NBEAL1: variants seen among roughly 807,000 people sequenced by gnomAD.
NBEAL1 encodes neurobeachin-like protein 1.
A neutral mutation model predicts 351.3 loss-of-function variants in NBEAL1; 273 were observed. The observed-to-expected ratio is 0.78, with a 90% CI of 0.70 to 0.86. The LOEUF (loss-of-function observed/expected upper bound fraction) is 0.86. Ranked by LOEUF, NBEAL1 falls within the 40% of genes least tolerant of loss-of-function variation. NBEAL1 has a pLI of 0.00. For missense variants in NBEAL1, 2,961 were observed against 3,201.3 expected (o/e 0.92, Z 1.81); for synonymous variants, 1,050 against 1,086.4 (o/e 0.97, Z 0.66).
chr2:203,076,914 A>G (rs1334696457), intron 7 of NBEAL1, among the ~76,000 whole-genome samples: 4 of 152,068 alleles, frequency 2.6e-5, no homozygotes, highest in African/African-American at 9.7e-5. Flanking sequence ...TACTAAGACT[A>G]TTACACCTCT....
At chr2:203,084,957 G>A (rs958238997) in intron 10 of NBEAL1, 2 of 159,572 alleles carry the variant, frequency 1.3e-5, no homozygotes, top group African/African-American at 4.8e-5. Flanking sequence ...TTCTACCACA[G>A]TTTGTAGACT....
At chr2:203,137,933 G>A (rs994846166) in intron 29 of NBEAL1, among the ~76,000 whole-genome samples, 6 of 150,680 alleles carry the variant, frequency 4.0e-5, no homozygotes, top group African/African-American at 1.2e-4. Context: ...GCAGTGAGCC[G>A]AGATCACACC....
At position 203,208,668 on chromosome 2, in the gene NBEAL1, C is replaced by A. The variant is rs1327254154; in HGVS notation, c.7538C>A (p.Pro2513His). Residue 2513 changes from proline to histidine, a missense_variant, in exon 52 of 56, where the codon CCT becomes CAT. Physicochemically the swap from Pro to His is moderately conservative, Grantham distance 77. Coordinates refer to ENST00000683969, the MANE Select transcript of NBEAL1 (RefSeq NM_001378026.1). Reference sequence around the variant, plus strand: ...GTTCCTGTGGGCTTAGCATCTAAACCTTTTCAGATTCTTTATGGACACACC... The same window carrying A: ...GTTCCTGTGGGCTTAGCATCTAAACATTTTCAGATTCTTTATGGACACACC... ...GGVPVGLASK[P>H]FQILYGHTNE... The A allele has an allele frequency of 1.2e-6, 2 of 1,611,956 alleles. No individual in the cohort carries two copies. The highest frequency in any genetic ancestry group is 3.4e-5 in the Admixed American group (2 of 59,370).
intron 20 of NBEAL1, 121 bp from the exon 21 acceptor site, chr2:203,125,839 T>C: frequency 1.3e-6 from 1 of 797,872 alleles, no homozygotes; most frequent in Non-Finnish European, 1.9e-6. Flanking sequence ...CAATAGAGCG[T>C]TGGAAGCTGA....
chr2:203,053,012 T>G (rs1230926829), intron 4 of NBEAL1, among the ~76,000 whole-genome samples: 6 of 152,312 alleles, frequency 3.9e-5, no homozygotes, highest in South Asian at 4.1e-4. Flanking sequence ...TTCCAGTTTT[T>G]GGAAGTTATG....
At chr2:203,175,947 A>G (rs959716182) in intron 42 of NBEAL1, among the ~76,000 whole-genome samples, 1 of 152,094 alleles carries the variant, frequency 6.6e-6, no homozygotes, top group Non-Finnish European at 1.5e-5. Flanking sequence ...TATCTCTCAC[A>G]GTTAACCTGG....
At chr2:203,209,045 A>T (rs2065694240) in intron 52 of NBEAL1, 116 bp from the exon 53 acceptor site, 1 of 805,286 alleles carries the variant, frequency 1.2e-6, no homozygotes, top group African/African-American at 1.7e-5. Flanking sequence ...CCTTGATGGA[A>T]TAATCATTTT....
intron 10 of NBEAL1, among the ~76,000 whole-genome samples, chr2:203,090,219 A>T (rs529428963): frequency 1.2e-4 from 19 of 152,144 alleles, no homozygotes; most frequent in African/African-American, 3.9e-4. Context: ...TTTTTTATAG[A>T]TTTAAGAGGT....
intron 6 of NBEAL1, among the ~76,000 whole-genome samples, chr2:203,067,478 A>G (rs1300951396): frequency 6.6e-6 from 1 of 152,202 alleles, no homozygotes; most frequent in African/African-American, 2.4e-5. Context: ...GGTTTGTTCT[A>G]TGATCAATTG....
chr2:203,179,285 C>T (rs560268089), intron 42 of NBEAL1, among the ~76,000 whole-genome samples: 5 of 152,282 alleles, frequency 3.3e-5, no homozygotes, highest in African/African-American at 9.6e-5. Flanking sequence ...CTACTATAGA[C>T]GCAGTGCCCA....
intron 15 of NBEAL1, 132 bp from the exon 16 acceptor site, chr2:203,111,847 T>C (rs2062579916): frequency 1.4e-5 from 15 of 1,045,134 alleles, no homozygotes; most frequent in Middle Eastern, 3.0e-4. Context: ...TTTGAGAACA[T>C]CAATTTAACA....
At chr2:203,038,943 G>A (rs1294477166) in intron 2 of NBEAL1, among the ~76,000 whole-genome samples, 1 of 148,992 alleles carries the variant, frequency 6.7e-6, no homozygotes, top group Non-Finnish European at 1.5e-5. Context: ...GCTTCCCAAA[G>A]TGCAGGGGTT....
rs1361022079 is a variant in NBEAL1 at position 203,193,215 on chromosome 2, G to A, written c.6922-580G>A. Among the ~76,000 whole-genome samples the A allele has an allele frequency of 2.6e-5, 4 of 151,908 alleles. No individual in the cohort carries two copies. The East Asian group carries it at 5.8e-4, about 22-fold the overall frequency. On this transcript the variant is annotated intron_variant, in intron 46 of 55. Transcript: ENST00000683969. Reference sequence around the variant, plus strand: ...TTGAACTTCTGACCTCAAGTGATCCGCCCACCTCAGCCTCCCGAAGTGCTA... The same window carrying A: ...TTGAACTTCTGACCTCAAGTGATCCACCCACCTCAGCCTCCCGAAGTGCTA...
At chr2:203,055,187 A>G (rs2061384958) in intron 4 of NBEAL1, among the ~76,000 whole-genome samples, 1 of 152,152 alleles carries the variant, frequency 6.6e-6, no homozygotes, top group Non-Finnish European at 1.5e-5. Flanking sequence ...GTTCTCAGGG[A>G]GAGGACTGAT....
Position 203,144,906 on chromosome 2 carries a change from G to T in NBEAL1, c.5154+1G>T. The T allele has an allele frequency of 6.4e-7, 1 of 1,572,688 alleles. No homozygotes were observed. The highest frequency in any genetic ancestry group is 8.6e-7 in the Non-Finnish European group (1 of 1,162,194). Reference sequence around the variant, plus strand: ...ATGGCAAGTTTACATTGAAAAATATGTAAGTTTTATCTTTTTTGATCAAGA... The same window carrying T: ...ATGGCAAGTTTACATTGAAAAATATTTAAGTTTTATCTTTTTTGATCAAGA... On this transcript the variant is annotated splice_donor_variant, in intron 32 of 55. Transcript: ENST00000683969. LOFTEE classifies it high-confidence loss of function.
chr2:203,160,041 T>C (rs183260769), intron 36 of NBEAL1, among the ~76,000 whole-genome samples: 7 of 152,042 alleles, frequency 4.6e-5, no homozygotes, highest in African/African-American at 1.4e-4. Flanking sequence ...TATATCTACT[T>C]TGGAGACTAT....
At chr2:203,132,329 AT>A (rs1311670096) in intron 26 of NBEAL1, among the ~76,000 whole-genome samples, 197 bp downstream of exon 26, 1 of 152,178 alleles carries the variant, frequency 6.6e-6, no homozygotes, top group Non-Finnish European at 1.5e-5. Flanking sequence ...GTAAATGTTT[AT>A]TGACTAAGTG....
chr2:203,057,805 T>C, intron 6 of NBEAL1, among the ~76,000 whole-genome samples: 1 of 151,816 alleles, frequency 6.6e-6, no homozygotes, highest in African/African-American at 2.4e-5. Flanking sequence ...CAGTATTTTG[T>C]CCATTTTTTT....
intron 7 of NBEAL1, among the ~76,000 whole-genome samples, chr2:203,070,920 C>T (rs1416632277): frequency 6.6e-6 from 1 of 152,176 alleles, no homozygotes; most frequent in Non-Finnish European, 1.5e-5. Context: ...ACCATATCAG[C>T]TGGCTAATTT....
Sources: gnomAD v4.1 joint callset for allele counts (sites outside exome capture counted in the v4.1 genomes callset) on GRCh38, gnomAD v4.1.1 for gene constraint, MANE v1.5 for transcripts, NCBI Gene and HGNC (gene_info 2026-07-23, HGNC 2026-07-21) for gene names.